Variants in ACSL5 observed in about 807,000 individuals in gnomAD.
ACSL5 encodes the protein acyl-CoA synthetase long chain family member 5, also known as long-chain-fatty-acid--CoA ligase 5.
In ACSL5, 50 loss-of-function variants were observed where a neutral mutation model predicts 84.9. The observed-to-expected ratio is 0.59, with a 90% CI of 0.47 to 0.75. The LOEUF is 0.75. Among genes scored for constraint, ACSL5 ranks in the 30% least tolerant of loss-of-function variants. ACSL5 has a pLI of 0.00. For synonymous variants in ACSL5, 280 were observed against 300.7 expected, an observed-to-expected ratio of 0.93 and a Z score of 0.71; for missense variants, 775 against 830.4, an observed-to-expected ratio of 0.93 and a Z score of 0.82.
intron 2 of ACSL5, 107 bp downstream of exon 2, chr10:112,395,209 T>G (rs1843721348): frequency 2.7e-6 from 3 of 1,122,070 alleles, no homozygotes. Flanking sequence ...CATGGGAAAG[T>G]AAAGCTTTCA....
intron 3 of ACSL5, among the ~76,000 whole-genome samples, chr10:112,403,215 C>T (rs985297697): frequency 1.3e-5 from 2 of 152,150 alleles, no homozygotes; most frequent in Non-Finnish European, 2.9e-5. Context: ...GAAAAAGGTC[C>T]CACTTTACTA....
At chr10:112,401,835 TCTTTCTTCCTTCCTTC>T (rs1317263570) in intron 3 of ACSL5, among the ~76,000 whole-genome samples, 14 of 101,202 alleles carry the variant, frequency 1.4e-4, no homozygotes, top group Admixed American at 5.1e-4. Flanking sequence ...TTTCTTTCTT[TCTTTCTTCCTTCCTTC>T]CTTCCTTTCT....
intron 12 of ACSL5, among the ~76,000 whole-genome samples, chr10:112,414,499 C>T (rs181497312): frequency 1.4e-4 from 22 of 151,740 alleles, no homozygotes; most frequent in Admixed American, 3.3e-4. Flanking sequence ...GGATTATAGG[C>T]GTGCACTACC....
chr10:112,413,175 T>C lies in ACSL5; in HGVS notation c.951T>C (p.Ala317=). 1 of 1,614,078 alleles carries C rather than the reference T, an allele frequency of 6.2e-7. No homozygotes were observed. The highest frequency in any genetic ancestry group is 2.2e-5 in the East Asian group (1 of 44,888). ...CTATAATTTGGTTTTGTTTTCAGGC[T>C]GTTGTGTACAGCTGTGGAGCCAGAG... ...LAHMFERIVQ[A]VVYSCGARVG... is the part of the protein sequence containing the mutation. Residue 317 remains alanine, a splice_region_variant and synonymous_variant, in exon 12 of 21, where the codon GCT becomes GCC. Coordinates refer to ENST00000354655, the MANE Select transcript of ACSL5 (RefSeq NM_203379.2).
At chr10:112,394,709 A>C (rs1298980959) in intron 1 of ACSL5, 1 of 981,532 alleles carries the variant, frequency 1.0e-6, no homozygotes, top group Non-Finnish European at 1.2e-6. Context: ...GCAGAGGTGG[A>C]GAATGTGTTC....
At position 112,404,705 on chromosome 10, in the gene ACSL5, G is replaced by A; in HGVS notation, c.331G>A (p.Val111Met). ...QPYRWLSYKQ[V>M]SDRAEYLGSC... ...CTCACCCCATCTCTCTTTTTTGTAG[G>A]TGTCTGATAGAGCAGAGTACCTGGG... The change falls in exon 5 of 21, where the codon GTG (valine) becomes ATG (methionine). Residue 111 changes from valine to methionine, a missense_variant and splice_region_variant. By Grantham distance (21) the Val-to-Met change is conservative (BLOSUM62 1). Coordinates refer to ENST00000354655, the MANE Select transcript of ACSL5 (RefSeq NM_203379.2). The A allele has an allele frequency of 6.2e-7, 1 of 1,613,042 alleles. No individual in the cohort carries two copies. Among genetic ancestry groups the A allele is most frequent in the Non-Finnish European group, 8.5e-7 (1 of 1,179,496 alleles).
At chr10:112,388,436 G>A (rs907986207) in intron 1 of ACSL5, among the ~76,000 whole-genome samples, 5 of 152,144 alleles carry the variant, frequency 3.3e-5, no homozygotes, top group Admixed American at 6.5e-5. Flanking sequence ...ATCCTCTCCA[G>A]ATTGGCCTGA....
chr10:112,375,190 A>G (rs1170331120), intron 1 of ACSL5: 2 of 152,120 alleles, frequency 1.3e-5, no homozygotes, highest in East Asian at 1.9e-4. Context: ...GCTCTCCTCT[A>G]GAGGAAGTTG....
intron 14 of ACSL5, among the ~76,000 whole-genome samples, chr10:112,420,254 C>G (rs183822649): frequency 6.6e-6 from 1 of 152,296 alleles, no homozygotes; most frequent in Admixed American, 6.5e-5. Flanking sequence ...GCCACACCCC[C>G]CATTGCAGCA....
At chr10:112,424,074 A>G (rs1844580319) in intron 17 of ACSL5, among the ~76,000 whole-genome samples, 1 of 152,260 alleles carries the variant, frequency 6.6e-6, no homozygotes, top group South Asian at 2.1e-4. Context: ...ATTAATTCAC[A>G]GGCATATCAA....
At chr10:112,401,435 T>C (rs1351226646) in intron 3 of ACSL5, among the ~76,000 whole-genome samples, 1 of 152,260 alleles carries the variant, frequency 6.6e-6, no homozygotes, top group African/African-American at 2.4e-5. Flanking sequence ...CAGGGGATTC[T>C]GTATACCAGA....
At chr10:112,391,238 G>A (rs138561741) in intron 1 of ACSL5, among the ~76,000 whole-genome samples, 34 of 152,162 alleles carry the variant, frequency 2.2e-4, no homozygotes, top group East Asian at 1.9e-3. Context: ...AGTTAGTTGC[G>A]CATGGTGGCA....
chr10:112,412,003 G>T (rs755659431), intron 11 of ACSL5, 24 bp downstream of exon 11: 1 of 1,590,378 alleles, frequency 6.3e-7, no homozygotes, highest in Admixed American at 1.7e-5. Flanking sequence ...GTTCCTAGCA[G>T]TATGTGGCAA....
At chr10:112,419,372 T>G (rs1034370017) in intron 14 of ACSL5, 2 of 152,200 alleles carry the variant, frequency 1.3e-5, no homozygotes, top group African/African-American at 2.4e-5. Context: ...TACTTCCTTA[T>G]AGAAAAACAG....
At chr10:112,416,504 G>A (rs953364963) in intron 12 of ACSL5, among the ~76,000 whole-genome samples, 7 of 147,778 alleles carry the variant, frequency 4.7e-5, no homozygotes, top group Non-Finnish European at 1.0e-4. Flanking sequence ...AATCAGATTC[G>A]TAGGCTGCCC....
intron 1 of ACSL5, among the ~76,000 whole-genome samples, chr10:112,383,467 A>G (rs1269365026): frequency 6.6e-6 from 1 of 152,228 alleles, no homozygotes; most frequent in Non-Finnish European, 1.5e-5. Context: ...CTTGGAATGA[A>G]TATTGAAAGA....
In ACSL5 at chr10:112,423,187, CAAAAAAAAAAA is replaced by C. The variant is rs1163487735; in HGVS notation, c.1593+771_1593+781del. Among the ~76,000 whole-genome samples, 8 of 16,570 alleles carry C rather than the reference CAAAAAAAAAAA, an allele frequency of 4.8e-4. No individual in the cohort carries two copies. In the East Asian group the frequency reaches 0.022, roughly 45 times the overall value. The allele number at this position is 16,570 out of a possible 152,430, so 10.9% of individuals were successfully genotyped here. ...TGGGGGACAGAGCGAGTCTCTGTCTCAAAAAAAAAAAAAAAAAAAAAAAAAAAAAAAAAAAT... is the reference window on the plus strand; with the variant it reads ...TGGGGGACAGAGCGAGTCTCTGTCTCAAAAAAAAAAAAAAAAAAAAAAAAT... On this transcript the variant is annotated intron_variant, in intron 17 of 20. Coordinates refer to ENST00000354655, the MANE Select transcript of ACSL5 (RefSeq NM_203379.2).
At chr10:112,415,707 C>A (rs1051000895) in intron 12 of ACSL5, among the ~76,000 whole-genome samples, 2 of 152,164 alleles carry the variant, frequency 1.3e-5, no homozygotes, top group Non-Finnish European at 2.9e-5. Context: ...AATTATCACC[C>A]CTGCTTGGCT....
intron 12 of ACSL5, among the ~76,000 whole-genome samples, chr10:112,414,352 C>CTTTTTTT (rs34464188): frequency 7.0e-5 from 6 of 85,502 alleles, no homozygotes; most frequent in Non-Finnish European, 1.1e-4. Context: ...TTCAGTGATT[C>CTTTTTTT]TTTTTTTTTT....
Sources: allele counts gnomAD v4.1 joint callset (sites outside exome capture counted in the v4.1 genomes callset), GRCh38; gene constraint gnomAD v4.1.1; transcripts MANE v1.5; gene names NCBI Gene and HGNC (gene_info 2026-07-23, HGNC 2026-07-21).